The following MAP4K3 variants were observed in gnomAD, a reference collection of about 807,000 sequenced individuals.
MAP4K3 encodes mitogen-activated protein kinase kinase kinase kinase 3.
In MAP4K3, 94 loss-of-function variants were observed where a neutral mutation model predicts 143.5. That is an observed-to-expected ratio of 0.65 (90% CI 0.55 to 0.78). The LOEUF (loss-of-function observed/expected upper bound fraction) is 0.78, where lower values mean the gene tolerates loss of function less well. Among genes scored for constraint, MAP4K3 ranks in the 30% least tolerant of loss-of-function variants. The pLI is 0.00. For missense variants in MAP4K3, 1,077 were observed against 1,068.1 expected (o/e 1.01, Z -0.12); for synonymous variants, 416 against 347.2 (o/e 1.20, Z -2.20).
chr2:39,272,929 T>G (rs2148455733), intron 24 of MAP4K3, among the ~76,000 whole-genome samples: 1 of 152,026 alleles, frequency 6.6e-6, no homozygotes, highest in East Asian at 1.9e-4. Flanking sequence ...CTAGGCACAA[T>G]ATGCATTCTA....
At chr2:39,396,126 C>A (rs1275257679) in intron 1 of MAP4K3, among the ~76,000 whole-genome samples, 1 of 152,140 alleles carries the variant, frequency 6.6e-6, no homozygotes, top group East Asian at 1.9e-4. Flanking sequence ...AGCCTCTTAA[C>A]TCCTGGGCTC....
chr2:39,328,274 T>C (rs1397042310), intron 8 of MAP4K3, among the ~76,000 whole-genome samples: 1 of 152,172 alleles, frequency 6.6e-6, no homozygotes, highest in Admixed American at 6.5e-5. Flanking sequence ...GAGGTTGCAG[T>C]GAGCTGAGAT....
intron 15 of MAP4K3, among the ~76,000 whole-genome samples, chr2:39,300,348 A>C (rs1031035190): frequency 9.9e-5 from 15 of 152,192 alleles, no homozygotes; most frequent in African/African-American, 3.6e-4. Flanking sequence ...ACTTTTAATA[A>C]TTTTTTAAGC....
At chr2:39,266,600 T>C (rs1336653146) in intron 27 of MAP4K3, among the ~76,000 whole-genome samples, 2 of 152,176 alleles carry the variant, frequency 1.3e-5, no homozygotes, top group Non-Finnish European at 2.9e-5. Context: ...CTGGCCCAAA[T>C]GCCACCTTCT....
intron 1 of MAP4K3, among the ~76,000 whole-genome samples, chr2:39,388,872 A>T (rs546144024): frequency 2.3e-4 from 35 of 152,314 alleles, no homozygotes; most frequent in African/African-American, 7.9e-4. Context: ...TCTTCAACCC[A>T]TACTCCAGGA....
At chr2:39,320,043 C>T (rs1163165162) in intron 12 of MAP4K3, among the ~76,000 whole-genome samples, 3 of 152,092 alleles carry the variant, frequency 2.0e-5, no homozygotes, top group Non-Finnish European at 4.4e-5. Context: ...ATGTCACTTC[C>T]TTTGTGACAT....
At chr2:39,340,041 T>G (rs1234499204) in intron 4 of MAP4K3, among the ~76,000 whole-genome samples, 1 of 152,122 alleles carries the variant, frequency 6.6e-6, no homozygotes, top group African/African-American at 2.4e-5. Flanking sequence ...AATCCTATTA[T>G]GTTGGAACAA....
chr2:39,431,135 A>T (rs1665271466), intron 1 of MAP4K3, among the ~76,000 whole-genome samples: 8 of 152,234 alleles, frequency 5.3e-5, no homozygotes, highest in Admixed American at 5.2e-4. Context: ...GATACATGCC[A>T]TAATTAAAAA....
intron 12 of MAP4K3, among the ~76,000 whole-genome samples, chr2:39,318,253 G>A (rs1407465310): frequency 6.6e-6 from 1 of 152,088 alleles, no homozygotes; most frequent in Non-Finnish European, 1.5e-5. Context: ...TTGAGGTTGG[G>A]AGGAGGGTGA....
intron 1 of MAP4K3, among the ~76,000 whole-genome samples, chr2:39,382,643 T>C (rs772022183): frequency 1.3e-5 from 2 of 152,166 alleles, no homozygotes; most frequent in Non-Finnish European, 2.9e-5. Flanking sequence ...TATATAAAAA[T>C]CATATAAAGA....
At chr2:39,287,325 C>A (rs1009996759) in intron 20 of MAP4K3, among the ~76,000 whole-genome samples, 1 of 147,538 alleles carries the variant, frequency 6.8e-6, no homozygotes, top group African/African-American at 2.5e-5. Flanking sequence ...AGGAGTTTTG[C>A]TCTTATCACC....
At chr2:39,335,849 A>C (rs1054566107) in intron 6 of MAP4K3, among the ~76,000 whole-genome samples, 6 of 152,206 alleles carry the variant, frequency 3.9e-5, no homozygotes, top group African/African-American at 1.4e-4. Context: ...AGACATGCGC[A>C]TAAGGGCATT....
intron 19 of MAP4K3, among the ~76,000 whole-genome samples, chr2:39,288,844 A>G (rs1681909583): frequency 6.6e-6 from 1 of 152,174 alleles, no homozygotes. Flanking sequence ...CGAGGTCAGG[A>G]GATCGAGATC....
At chr2:39,287,522 C>G (rs891495107) in intron 20 of MAP4K3, among the ~76,000 whole-genome samples, 4 of 151,956 alleles carry the variant, frequency 2.6e-5, no homozygotes, top group African/African-American at 9.7e-5. Flanking sequence ...AGGCTGGTCT[C>G]AAACTCTTGA....
intron 3 of MAP4K3, among the ~76,000 whole-genome samples, chr2:39,347,835 CATTA>C (rs1558659154): frequency 6.6e-6 from 1 of 151,784 alleles, no homozygotes; most frequent in African/African-American, 2.4e-5. Flanking sequence ...TATAAGTGGT[CATTA>C]ATTATCTGAT....
intron 1 of MAP4K3, among the ~76,000 whole-genome samples, chr2:39,434,370 T>C (rs905375581): frequency 1.2e-4 from 19 of 152,228 alleles, no homozygotes; most frequent in Admixed American, 9.2e-4. Context: ...CAGGGGTACA[T>C]GATGTCAAGA....
chr2:39,282,053 G>A (rs1327738125), intron 22 of MAP4K3, among the ~76,000 whole-genome samples: 1 of 151,970 alleles, frequency 6.6e-6, no homozygotes, highest in Non-Finnish European at 1.5e-5. Flanking sequence ...AAATTAGCCA[G>A]GCATGGTGGC....
chr2:39,433,791 CACTT>C (rs1193263220), intron 1 of MAP4K3, among the ~76,000 whole-genome samples: 1 of 152,124 alleles, frequency 6.6e-6, no homozygotes, highest in African/African-American at 2.4e-5. Context: ...AGTTACACGA[CACTT>C]ACAAGATACG....
At chr2:39,382,649 A>C (rs1326959206) in intron 1 of MAP4K3, among the ~76,000 whole-genome samples, 1 of 152,240 alleles carries the variant, frequency 6.6e-6, no homozygotes, top group African/African-American at 2.4e-5. Context: ...AAAATCATAT[A>C]AAGAGTTTAA....
Sources: allele counts gnomAD v4.1 joint callset (sites outside exome capture counted in the v4.1 genomes callset), GRCh38; gene constraint gnomAD v4.1.1; transcripts MANE v1.5; gene names NCBI Gene and HGNC (gene_info 2026-07-23, HGNC 2026-07-21).